Variants in RPS6KC1 observed in about 807,000 individuals in gnomAD.
RPS6KC1 encodes the protein ribosomal protein S6 kinase C1, also known as inactive ribosomal protein S6 kinase delta-1.
A neutral mutation model predicts 103.8 loss-of-function variants in RPS6KC1; 54 were observed. The observed-to-expected ratio is 0.52, with a 90% CI of 0.42 to 0.65. The LOEUF (loss-of-function observed/expected upper bound fraction) is 0.65, where lower values mean the gene tolerates loss of function less well. Among genes scored for constraint, RPS6KC1 ranks in the 30% least tolerant of loss-of-function variants. The pLI is 0.00. For missense variants in RPS6KC1, 1,151 were observed against 1,253.8 expected (o/e 0.92, Z 1.24); for synonymous variants, 439 against 438.7 (o/e 1.00, Z -0.01).
chr1:213,467,654 C>T, the RPS6KC1 span, among the ~76,000 whole-genome samples: 1 of 152,100 alleles, frequency 6.6e-6, no homozygotes, highest in African/African-American at 2.4e-5. Flanking sequence ...GGTAAAAATT[C>T]CATGTGGTAG....
the RPS6KC1 span, among the ~76,000 whole-genome samples, chr1:213,363,821 CTTT>C: frequency 1.5e-5 from 1 of 65,892 alleles, no homozygotes; most frequent in African/African-American, 5.5e-5. Context: ...TTTCTTCTCT[CTTT>C]TTTTTTTTTT....
At chr1:213,474,368 A>T in the RPS6KC1 span, among the ~76,000 whole-genome samples, 1 of 152,086 alleles carries the variant, frequency 6.6e-6, no homozygotes, top group Non-Finnish European at 1.5e-5. Flanking sequence ...ACACAAGGCT[A>T]TTTCATGTGT....
the RPS6KC1 span, among the ~76,000 whole-genome samples, chr1:213,747,368 C>G: frequency 1.9e-4 from 29 of 152,230 alleles, no homozygotes; most frequent in Middle Eastern, 3.4e-3. Context: ...GTATTAGAAG[C>G]AAATGCTCAA....
At chr1:213,330,513 G>A in the RPS6KC1 span, among the ~76,000 whole-genome samples, 8 of 152,166 alleles carry the variant, frequency 5.3e-5, no homozygotes, top group South Asian at 2.1e-4. Context: ...TTCTAGATCC[G>A]TGTGCAATCG....
At chr1:213,431,655 A>ATGTGTGTGTGTGTGTGTGTATG in the RPS6KC1 span, among the ~76,000 whole-genome samples, 1 of 141,540 alleles carries the variant, frequency 7.1e-6, no homozygotes, top group South Asian at 2.3e-4. Context: ...GTTTGTGTGT[A>ATGTGTGTGTGTGTGTGTGTATG]TGTGTGTGTG....
In RPS6KC1 at chr1:213,242,051, ACTT is replaced by A; in HGVS notation, c.2579_2581del (p.Ser860del). 1 of 1,614,060 alleles carries A rather than the reference ACTT, an allele frequency of 6.2e-7. No individual in the cohort carries two copies. Among genetic ancestry groups the A allele is most frequent in the Non-Finnish European group, 8.5e-7 (1 of 1,179,944 alleles). Reference sequence around the variant, plus strand: ...TGATGATTTGGCTAAAGAGGAACCAACTTCTTTATTCCAGAGAGACTCTGAGAC... The same window carrying A: ...TGATGATTTGGCTAAAGAGGAACCAACTTTATTCCAGAGAGACTCTGAGAC... On this transcript the variant is annotated inframe_deletion, in exon 11 of 15. Transcript: ENST00000366960.
chr1:213,436,810 T>C, the RPS6KC1 span, among the ~76,000 whole-genome samples: 1 of 152,318 alleles, frequency 6.6e-6, no homozygotes, highest in African/African-American at 2.4e-5. Flanking sequence ...TTTTCTAGTC[T>C]TTTGTTTCTG....
At chr1:213,222,146 G>A (rs2093849597) in intron 8 of RPS6KC1, among the ~76,000 whole-genome samples, 1 of 152,122 alleles carries the variant, frequency 6.6e-6, no homozygotes, top group African/African-American at 2.4e-5. Context: ...CTGAGCAGTG[G>A]GTACAGGGAA....
Position 213,195,021 on chromosome 1 carries a change from G to A in RPS6KC1, c.1044+18529G>A, listed in dbSNP as rs528744297. 9.5e-4 allele frequency among the ~76,000 whole-genome samples: 145 copies of A among 152,314 alleles called. 1 individual carries two copies. The highest frequency in any genetic ancestry group is 3.4e-3 in the African/African-American group (141 of 41,560). ...AGATTAGAGATGGTGGAGGAGAGAA[G>A]GGTGTGTGTGTGTTAGGGGGTGATT... On this transcript the variant is annotated intron_variant, in intron 8 of 14. Transcript: ENST00000366960.
chr1:213,759,883 C>G, the RPS6KC1 span, among the ~76,000 whole-genome samples: 1 of 152,250 alleles, frequency 6.6e-6, no homozygotes, highest in Non-Finnish European at 1.5e-5. Flanking sequence ...TCACCTAGCA[C>G]AGAGCCAATG....
chr1:213,175,122 G>A (rs2091779411), intron 7 of RPS6KC1, among the ~76,000 whole-genome samples: 1 of 152,252 alleles, frequency 6.6e-6, no homozygotes, highest in East Asian at 1.9e-4. Context: ...AGTTGTAAAT[G>A]ACACCTAATT....
the RPS6KC1 span, among the ~76,000 whole-genome samples, chr1:213,541,975 T>C: frequency 5.1e-4 from 78 of 152,316 alleles, no homozygotes; most frequent in African/African-American, 1.8e-3. Flanking sequence ...TCTTGAGATT[T>C]CTCCCTTAGC....
chr1:213,347,632 A>T, the RPS6KC1 span, among the ~76,000 whole-genome samples: 8 of 152,302 alleles, frequency 5.3e-5, no homozygotes, highest in African/African-American at 1.9e-4. Context: ...TGAGCCCAGG[A>T]GTTCAAGATT....
chr1:213,696,057 T>G, the RPS6KC1 span, among the ~76,000 whole-genome samples: 1 of 152,198 alleles, frequency 6.6e-6, no homozygotes, highest in East Asian at 1.9e-4. Context: ...CATATTAAAA[T>G]CTAAATTTCC....
chr1:213,291,850 G>C, the RPS6KC1 span, among the ~76,000 whole-genome samples: 1 of 152,142 alleles, frequency 6.6e-6, no homozygotes, highest in Non-Finnish European at 1.5e-5. Context: ...GTAATGCCTA[G>C]GTTTTCTTCT....
At chr1:213,154,013 G>T (rs2089569949) in intron 6 of RPS6KC1, among the ~76,000 whole-genome samples, 1 of 152,176 alleles carries the variant, frequency 6.6e-6, no homozygotes. Context: ...GACTCTTAGA[G>T]GTACCAGCCA....
intron 8 of RPS6KC1, among the ~76,000 whole-genome samples, chr1:213,187,909 A>G (rs748158863): frequency 7.2e-5 from 11 of 151,976 alleles, no homozygotes; most frequent in Admixed American, 1.3e-4. Context: ...TTTTAGCTCT[A>G]GGAGGTACCT....
chr1:213,204,639 T>C (rs939629245), intron 8 of RPS6KC1, among the ~76,000 whole-genome samples: 5 of 150,906 alleles, frequency 3.3e-5, no homozygotes, highest in African/African-American at 1.2e-4. Context: ...TTTTTTTTTT[T>C]TTGAGGCAGG....
the RPS6KC1 span, among the ~76,000 whole-genome samples, chr1:213,579,056 G>A: frequency 1.3e-5 from 2 of 151,982 alleles, no homozygotes; most frequent in Non-Finnish European, 2.9e-5. Context: ...ATTGACTTAT[G>A]GGGGTGTTTT....
Sources: gnomAD v4.1 joint callset for allele counts (sites outside exome capture counted in the v4.1 genomes callset) on GRCh38, gnomAD v4.1.1 for gene constraint, MANE v1.5 for transcripts, NCBI Gene and HGNC (gene_info 2026-07-23, HGNC 2026-07-21) for gene names.